Variants in UGGT2 observed in about 807,000 individuals in gnomAD.
The protein encoded by UGGT2 is UDP-glucose glycoprotein glucosyltransferase 2.
A neutral mutation model predicts 192.1 loss-of-function variants in UGGT2; 180 were observed. The ratio of observed to expected loss-of-function variants is 0.94; its 90% CI spans 0.83 to 1.06. The LOEUF (loss-of-function observed/expected upper bound fraction) is 1.06. Among genes scored for constraint, UGGT2 ranks in the 50% least tolerant of loss-of-function variants. The probability of loss-of-function intolerance (pLI) is 0.00; values close to 1 mark genes in which losing one functional copy is unlikely to be tolerated. For synonymous variants in UGGT2, 580 were observed against 591.0 expected (o/e 0.98, Z 0.27); for missense variants, 1,849 against 1,795.7 (o/e 1.03, Z -0.54).
chr13:95,833,097 G>T (rs1439642925), intron 37 of UGGT2, 44 bp from the exon 38 acceptor site: 1 of 1,595,012 alleles, frequency 6.3e-7, no homozygotes, highest in Non-Finnish European at 8.6e-7. Context: ...CCATGCTCCT[G>T]GAAACATAAG....
chr13:95,850,201 G>A (rs925009725), intron 36 of UGGT2, among the ~76,000 whole-genome samples: 15 of 151,998 alleles, frequency 9.9e-5, no homozygotes, highest in African/African-American at 3.6e-4. Flanking sequence ...TCCAACCATA[G>A]GCTACCTTTC....
intron 20 of UGGT2, among the ~76,000 whole-genome samples, chr13:95,917,973 GATC>G (rs1452971546): frequency 6.6e-6 from 1 of 152,162 alleles, no homozygotes; most frequent in Admixed American, 6.5e-5. Flanking sequence ...GTATTAGACA[GATC>G]ATCGAGACAG....
rs1266272552 is a variant in UGGT2 at position 95,887,967 on chromosome 13, A to C, written c.2963T>G (p.Leu988Arg). Reference protein sequence around the residue: ...AQKMAQLLVVLGKIINMKIKL... With the variant: ...AQKMAQLLVVRGKIINMKIKL... ...TATCTTCATGTTGATAATCTTGCCA[A>C]GTACCTATTGGAAAGAAATTCCCAT... is the stretch of plus-strand genomic sequence containing the variant. Residue 988 changes from leucine to arginine, a missense_variant, in exon 26 of 39, where the codon CTT becomes CGT. By Grantham distance (102) the Leu-to-Arg change is moderately radical. Transcript: ENST00000376747. 1 of 1,596,742 alleles carries C rather than the reference A, an allele frequency of 6.3e-7. No homozygotes were observed. Among genetic ancestry groups the C allele is most frequent in the Non-Finnish European group, 8.5e-7 (1 of 1,170,636 alleles).
chr13:95,895,531 CAA>C (rs2047922866), intron 22 of UGGT2, among the ~76,000 whole-genome samples: 1 of 151,816 alleles, frequency 6.6e-6, no homozygotes, highest in African/African-American at 2.4e-5. Flanking sequence ...ATCAAAGTGA[CAA>C]TATAAAAAAT....
intron 1 of UGGT2, among the ~76,000 whole-genome samples, chr13:96,050,217 C>G (rs1371873880): frequency 2.0e-5 from 3 of 152,090 alleles, no homozygotes; most frequent in Non-Finnish European, 4.4e-5. Flanking sequence ...CTGACAAAAA[C>G]AAGAAATGGG....
intron 4 of UGGT2, among the ~76,000 whole-genome samples, chr13:96,020,232 G>T (rs2052474729): frequency 6.6e-6 from 1 of 152,110 alleles, no homozygotes. Context: ...GCCTCCATGG[G>T]TCAGGCATTC....
intron 17 of UGGT2, among the ~76,000 whole-genome samples, chr13:95,927,637 GT>G (rs2049069224): frequency 6.6e-6 from 1 of 151,400 alleles, no homozygotes. Context: ...TTTTTTGTTT[GT>G]TTGTTTGTTT....
intron 1 of UGGT2, among the ~76,000 whole-genome samples, chr13:96,043,476 C>T (rs904744288): frequency 6.6e-6 from 1 of 152,026 alleles, no homozygotes; most frequent in Non-Finnish European, 1.5e-5. Context: ...ACAAGGTATA[C>T]AGGCAACAAA....
Position 95,927,320 on chromosome 13 carries a change from C to A in UGGT2, c.1994G>T (p.Arg665Leu). Residue 665 changes from arginine (R) to leucine (L), a missense_variant, in exon 18 of 39, where the codon CGC (arginine) becomes CTC (leucine). Transcript: ENST00000376747. ...CATTAGAAAATCAATTGCATTCGTG[C>A]GATCATTTAATGTGCCCTAAAAAAA... is the stretch of plus-strand genomic sequence containing the variant. ...REVFLGTLNDRTNAIDFLMDR... is the reference protein window; with the variant it reads ...REVFLGTLNDLTNAIDFLMDR... The A allele has an allele frequency of 1.2e-6, 2 of 1,605,188 alleles. No individual in the cohort carries two copies. Among genetic ancestry groups the A allele is most frequent in the Non-Finnish European group, 1.7e-6 (2 of 1,177,536 alleles).
At chr13:95,854,037 G>T (rs1165009850) in intron 35 of UGGT2, among the ~76,000 whole-genome samples, 1 of 152,116 alleles carries the variant, frequency 6.6e-6, no homozygotes, top group Middle Eastern at 3.2e-3. Flanking sequence ...TTATATACTA[G>T]CAGGGTAAGC....
intron 1 of UGGT2, among the ~76,000 whole-genome samples, chr13:96,037,984 T>C (rs1042997858): frequency 3.9e-5 from 6 of 152,184 alleles, no homozygotes; most frequent in Non-Finnish European, 7.3e-5. Flanking sequence ...AGAGGATCAG[T>C]AGATAAAAGG....
chr13:95,937,300 T>C (rs2049498872), intron 16 of UGGT2, among the ~76,000 whole-genome samples: 1 of 152,090 alleles, frequency 6.6e-6, no homozygotes, highest in African/African-American at 2.4e-5. Flanking sequence ...AGAGAGTAAA[T>C]ATTTTAGGCT....
chr13:95,960,296 G>A (rs2050346616), intron 12 of UGGT2, among the ~76,000 whole-genome samples: 1 of 152,232 alleles, frequency 6.6e-6, no homozygotes, highest in Admixed American at 6.5e-5. Flanking sequence ...TTGAAATTAA[G>A]CTCAGTGAGC....
intron 7 of UGGT2, among the ~76,000 whole-genome samples, chr13:95,993,968 G>T (rs1470719986): frequency 6.6e-6 from 1 of 151,312 alleles, no homozygotes; most frequent in Admixed American, 6.6e-5. Flanking sequence ...AGGAAAAAAA[G>T]GGGGGGGTAT....
intron 12 of UGGT2, among the ~76,000 whole-genome samples, chr13:95,962,429 C>T (rs1480856241): frequency 1.3e-5 from 2 of 151,956 alleles, no homozygotes; most frequent in African/African-American, 4.8e-5. Context: ...TATACACTAA[C>T]AAACTGGAAA....
chr13:95,853,479 G>T, intron 36 of UGGT2, 64 bp downstream of exon 36: 1 of 1,306,000 alleles, frequency 7.7e-7, no homozygotes, highest in South Asian at 1.3e-5. Context: ...TAAAGTTTAT[G>T]AGCACGGAGT....
chr13:95,862,036 A>T lies in UGGT2; in HGVS notation c.3645-1153T>A, dbSNP rs143271855. 4.7e-4 allele frequency among the ~76,000 whole-genome samples: 71 copies of T among 152,242 alleles called. 1 individual carries two copies. In the East Asian group the frequency reaches 0.012, roughly 26 times the overall value. On this transcript the variant is annotated intron_variant, in intron 31 of 38. Transcript: ENST00000376747. ...TATCTATACCTTCTAACTTTAATGG[A>T]AGCTTTTAGTAAGACACTCTTAAAA...
Position 95,970,193 on chromosome 13 carries a change from T to C in UGGT2, c.1254A>G (p.Glu418=). 1 of 1,613,110 alleles carries C rather than the reference T, an allele frequency of 6.2e-7. No homozygotes were observed. Among genetic ancestry groups the C allele is most frequent in the Non-Finnish European group, 8.5e-7 (1 of 1,179,182 alleles). Residue 418 remains glutamate (E), a synonymous_variant, in exon 12 of 39, where the codon GAA becomes GAG. Coordinates refer to ENST00000376747, the MANE Select transcript of UGGT2 (RefSeq NM_020121.4). The part of the protein sequence containing the change: ...NGLRNLGING[E]DMSKFLKLNS... ...TTAATTTTAAAAATTTGCTCATATC[T>C]TCCCCATTGATCCCAAGATTGCGAA...
At chr13:96,048,987 C>A (rs1396267822) in intron 1 of UGGT2, among the ~76,000 whole-genome samples, 1 of 152,118 alleles carries the variant, frequency 6.6e-6, no homozygotes, top group Non-Finnish European at 1.5e-5. Flanking sequence ...TTTTATAAGG[C>A]CAGCATCATC....
Sources: allele counts gnomAD v4.1 joint callset (sites outside exome capture counted in the v4.1 genomes callset), GRCh38; gene constraint gnomAD v4.1.1; transcripts MANE v1.5; gene names NCBI Gene and HGNC (gene_info 2026-07-23, HGNC 2026-07-21).